Variants in MAGI1 observed in about 807,000 individuals in gnomAD.
The protein encoded by MAGI1 is membrane-associated guanylate kinase, WW and PDZ domain-containing protein 1.
In MAGI1, 58 loss-of-function variants were observed where a neutral mutation model predicts 139.9. That is an observed-to-expected ratio of 0.41 (90% CI 0.34 to 0.52). The LOEUF is 0.52. Among genes scored for constraint, MAGI1 ranks in the 20% least tolerant of loss-of-function variants. The pLI, the probability that MAGI1 is intolerant of heterozygous loss-of-function variation, is 0.12. For missense variants in MAGI1, 1,874 were observed against 1,901.6 expected (o/e 0.99, Z 0.27); for synonymous variants, 812 against 737.9 (o/e 1.10, Z -1.63).
chr3:65,639,598 T>C (rs1425466684), intron 1 of MAGI1, among the ~76,000 whole-genome samples: 2 of 152,172 alleles, frequency 1.3e-5, no homozygotes, highest in Non-Finnish European at 2.9e-5. Context: ...AGGTTAACAT[T>C]TGTATCAACG....
At chr3:65,620,306 T>C (rs1325800407) in intron 2 of MAGI1, among the ~76,000 whole-genome samples, 2 of 152,136 alleles carry the variant, frequency 1.3e-5, no homozygotes, top group Admixed American at 6.6e-5. Context: ...AAAACAGCCC[T>C]AGATGACATA....
chr3:65,810,355 C>A (rs1040551877), intron 1 of MAGI1, among the ~76,000 whole-genome samples: 1 of 152,248 alleles, frequency 6.6e-6, no homozygotes, highest in Non-Finnish European at 1.5e-5. Context: ...ACCCAAACGG[C>A]TCATGAATGT....
chr3:65,729,019 G>A (rs918789832), intron 1 of MAGI1, among the ~76,000 whole-genome samples: 1 of 148,252 alleles, frequency 6.7e-6, no homozygotes, highest in African/African-American at 2.5e-5. Context: ...ATTAAATCAA[G>A]TTTTGCAAAA....
intron 1 of MAGI1, among the ~76,000 whole-genome samples, chr3:65,671,999 C>T (rs2086893586): frequency 6.6e-6 from 1 of 152,162 alleles, no homozygotes. Context: ...TTAGTTTCCA[C>T]TTCACACACC....
At chr3:65,790,591 C>T (rs1035501171) in intron 1 of MAGI1, among the ~76,000 whole-genome samples, 6 of 152,144 alleles carry the variant, frequency 3.9e-5, no homozygotes, top group Non-Finnish European at 8.8e-5. Context: ...AGAGTTAGAT[C>T]TTGATAAGGT....
chr3:65,760,087 T>C (rs142876073), intron 1 of MAGI1, among the ~76,000 whole-genome samples: 586 of 152,236 alleles, frequency 3.8e-3, no homozygotes, highest in Middle Eastern at 0.017. Context: ...TCTGGAATAC[T>C]GCACATGGAA....
intron 6 of MAGI1, among the ~76,000 whole-genome samples, chr3:65,451,191 T>C (rs1949011367): frequency 6.6e-6 from 1 of 152,200 alleles, no homozygotes; most frequent in Admixed American, 6.6e-5. Context: ...TTCAATACTT[T>C]CACTCTATGT....
At chr3:65,958,724 G>A (rs1001495671) in intron 1 of MAGI1, among the ~76,000 whole-genome samples, 7 of 152,104 alleles carry the variant, frequency 4.6e-5, no homozygotes, top group Admixed American at 6.6e-5. Context: ...GGGGAGCTCA[G>A]GCCTATAATC....
chr3:65,849,085 G>A (rs11716650), intron 1 of MAGI1, among the ~76,000 whole-genome samples: 25 of 128,600 alleles, frequency 1.9e-4, no homozygotes, highest in African/African-American at 6.9e-4. Context: ...GTGAAGTGGC[G>A]CAATCTCGGC....
intron 1 of MAGI1, among the ~76,000 whole-genome samples, chr3:65,662,362 G>A (rs1467181008): frequency 1.3e-5 from 2 of 152,202 alleles, no homozygotes; most frequent in Non-Finnish European, 2.9e-5. Context: ...ATGCCAGACA[G>A]TAATTATTTT....
In MAGI1 at chr3:65,470,342, A is replaced by G; in HGVS notation, c.900T>C (p.Gly300=). ...CCATCTCCCAGTTTTCAGGTAGAGGACCTAAATTATCCTCTGCAGAAAGAG... is the reference window on the plus strand; with the variant it reads ...CCATCTCCCAGTTTTCAGGTAGAGGGCCTAAATTATCCTCTGCAGAAAGAG... ...YLPLSAEDNL[G]PLPENWEMAY... The change falls in exon 5 of 23, where the codon GGT becomes GGC. Residue 300 remains glycine, a synonymous_variant. Coordinates refer to ENST00000402939, the MANE Select transcript of MAGI1 (RefSeq NM_001033057.2). 2 of 1,613,704 alleles carry G rather than the reference A, an allele frequency of 1.2e-6. No homozygotes were observed. Among genetic ancestry groups the G allele is most frequent in the Non-Finnish European group, 1.7e-6 (2 of 1,179,718 alleles).
intron 1 of MAGI1, among the ~76,000 whole-genome samples, chr3:65,793,276 C>T (rs73135034): frequency 0.016 from 2,373 of 152,254 alleles, 27 homozygotes; most frequent in Non-Finnish European, 0.024. Context: ...ATGAATCTAT[C>T]TGTGACAACT....
intron 2 of MAGI1, among the ~76,000 whole-genome samples, chr3:65,579,024 T>TG (rs2081304100): frequency 6.8e-6 from 1 of 148,034 alleles, no homozygotes; most frequent in South Asian, 2.1e-4. Flanking sequence ...GGGGGAGGGG[T>TG]GGGGGTCACT....
At chr3:65,952,737 C>T (rs1351702497) in intron 1 of MAGI1, among the ~76,000 whole-genome samples, 1 of 152,142 alleles carries the variant, frequency 6.6e-6, no homozygotes, top group Non-Finnish European at 1.5e-5. Flanking sequence ...TGGCGTGAAC[C>T]CAGGAGGTGG....
chr3:65,598,087 C>A (rs1252086067), intron 2 of MAGI1, among the ~76,000 whole-genome samples: 1 of 152,160 alleles, frequency 6.6e-6, no homozygotes, highest in Non-Finnish European at 1.5e-5. Flanking sequence ...ATATTACTGG[C>A]GACATTTCTA....
chr3:65,749,045 G>A (rs933924150), intron 1 of MAGI1, among the ~76,000 whole-genome samples: 1 of 152,226 alleles, frequency 6.6e-6, no homozygotes, highest in South Asian at 2.1e-4. Flanking sequence ...CAGAGCTCAG[G>A]CACTACTATA....
At chr3:65,533,813 A>G (rs1416341407) in intron 2 of MAGI1, among the ~76,000 whole-genome samples, 2 of 152,224 alleles carry the variant, frequency 1.3e-5, no homozygotes, top group African/African-American at 4.8e-5. Flanking sequence ...GGCTTTAAAA[A>G]TTCAACCTGC....
chr3:65,454,750 G>A (rs1949281000), intron 5 of MAGI1, among the ~76,000 whole-genome samples: 1 of 149,678 alleles, frequency 6.7e-6, no homozygotes, highest in South Asian at 2.1e-4. Flanking sequence ...TGGCTTAAGA[G>A]AAAAACAGAA....
chr3:65,478,257 C>T (rs542400267), intron 4 of MAGI1, among the ~76,000 whole-genome samples: 3 of 151,760 alleles, frequency 2.0e-5, no homozygotes, highest in African/African-American at 7.3e-5. Flanking sequence ...GTTACCCCCC[C>T]CAAAAAAAAT....
Sources: allele counts gnomAD v4.1 joint callset (sites outside exome capture counted in the v4.1 genomes callset), GRCh38; gene constraint gnomAD v4.1.1; transcripts MANE v1.5; gene names NCBI Gene and HGNC (gene_info 2026-07-23, HGNC 2026-07-21).